The following KCTD8 variants were observed in gnomAD, a reference collection of about 807,000 sequenced individuals.
KCTD8 encodes the protein potassium channel tetramerization domain containing 8.
Under a neutral mutation model 31.5 loss-of-function variants are expected in KCTD8, and 27 were observed. The ratio of observed to expected loss-of-function variants is 0.86; its 90% CI spans 0.63 to 1.18. The LOEUF (loss-of-function observed/expected upper bound fraction) is 1.18. Ranked by LOEUF, KCTD8 falls within the 50% of genes most tolerant of loss-of-function variation. The pLI, the probability that KCTD8 is intolerant of heterozygous loss-of-function variation, is 0.00. For missense variants in KCTD8, 658 were observed against 647.7 expected (o/e 1.02, Z -0.17); for synonymous variants, 290 against 280.0 (o/e 1.04, Z -0.36).
chr4:44,262,071 G>C (rs568059941), intron 1 of KCTD8, among the ~76,000 whole-genome samples: 4 of 152,156 alleles, frequency 2.6e-5, no homozygotes, highest in African/African-American at 9.6e-5. Flanking sequence ...AAGAGACCTA[G>C]AGACCAAGGG....
intron 1 of KCTD8, among the ~76,000 whole-genome samples, chr4:44,300,186 T>A (rs1006972198): frequency 6.6e-6 from 1 of 152,336 alleles, no homozygotes; most frequent in East Asian, 1.9e-4. Context: ...TACACACTTA[T>A]GAGTAAATTA....
At chr4:44,252,867 CCTTA>C (rs1001476550) in intron 1 of KCTD8, among the ~76,000 whole-genome samples, 13 of 151,678 alleles carry the variant, frequency 8.6e-5, no homozygotes, top group African/African-American at 2.7e-4. Context: ...AGAGGCACTT[CCTTA>C]CTTTTTGCAA....
intron 1 of KCTD8, among the ~76,000 whole-genome samples, chr4:44,438,061 T>C (rs1269147823): frequency 6.6e-6 from 1 of 152,082 alleles, no homozygotes; most frequent in Non-Finnish European, 1.5e-5. Flanking sequence ...TATGAATCCT[T>C]ACAAGGAGAC....
chr4:44,358,871 G>A (rs1249340520), intron 1 of KCTD8, among the ~76,000 whole-genome samples: 1 of 152,150 alleles, frequency 6.6e-6, no homozygotes, highest in African/African-American at 2.4e-5. Flanking sequence ...ATTCTAACTG[G>A]CATGAGATGG....
chr4:44,290,311 TA>T (rs1438074008), intron 1 of KCTD8, among the ~76,000 whole-genome samples: 2 of 152,264 alleles, frequency 1.3e-5, no homozygotes, highest in African/African-American at 4.8e-5. Context: ...CCCAGATTCA[TA>T]AAACAAGTTC....
At chr4:44,383,148 C>G (rs551763329) in intron 1 of KCTD8, among the ~76,000 whole-genome samples, 1 of 151,338 alleles carries the variant, frequency 6.6e-6, no homozygotes, top group East Asian at 2.0e-4. Flanking sequence ...ACCTATAAAA[C>G]GCTGATAAAA....
chr4:44,207,120 T>C (rs1322599813), intron 1 of KCTD8, among the ~76,000 whole-genome samples: 1 of 152,188 alleles, frequency 6.6e-6, no homozygotes, highest in African/African-American at 2.4e-5. Context: ...AACAAGTTAC[T>C]TGAACTCTCC....
intron 1 of KCTD8, among the ~76,000 whole-genome samples, chr4:44,316,602 T>C (rs1718114945): frequency 6.6e-6 from 1 of 151,812 alleles, no homozygotes; most frequent in Non-Finnish European, 1.5e-5. Context: ...GCAATTTCTA[T>C]AGAAATATTG....
At chr4:44,349,200 G>C (rs1423780092) in intron 1 of KCTD8, among the ~76,000 whole-genome samples, 1 of 151,970 alleles carries the variant, frequency 6.6e-6, no homozygotes, top group African/African-American at 2.4e-5. Flanking sequence ...TTGAGATGAA[G>C]TTAGGAGTGC....
At chr4:44,395,719 A>T (rs1486243186) in intron 1 of KCTD8, among the ~76,000 whole-genome samples, 1 of 151,850 alleles carries the variant, frequency 6.6e-6, no homozygotes, top group Non-Finnish European at 1.5e-5. Flanking sequence ...TACTTTTACT[A>T]TTTTCTGACT....
At chr4:44,223,008 A>G (rs6813427) in intron 1 of KCTD8, among the ~76,000 whole-genome samples, 3,350 of 152,266 alleles carry the variant, frequency 0.022, 130 homozygotes, top group African/African-American at 0.077. Flanking sequence ...AATAGTGCTA[A>G]CCAAAAAAGT....
rs371315419 is a variant in KCTD8 at position 44,288,069 on chromosome 4, T to A, written c.962-112819A>T. On this transcript the variant is annotated intron_variant, in intron 1 of 1. Transcript: ENST00000360029. ...GAACAGACATTAAATATATGTCAAA[T>A]TTTCTTTTCTCCATTCTTAGTGCCC... Among the ~76,000 whole-genome samples the A allele has an allele frequency of 3.3e-5, 5 of 152,156 alleles. No homozygotes were observed. The East Asian group carries it at 7.7e-4, about 23-fold the overall frequency.
chr4:44,359,678 T>C lies in KCTD8; in HGVS notation c.961+87885A>G, dbSNP rs945352574. On this transcript the variant is annotated intron_variant, in intron 1 of 1. Transcript: ENST00000360029. Reference sequence around the variant, plus strand: ...CTTGCTGCTTGTGAGACCTAACTTATGCAGAGCATGAATTAAATCCATGTA... The same window carrying C: ...CTTGCTGCTTGTGAGACCTAACTTACGCAGAGCATGAATTAAATCCATGTA... Among the ~76,000 whole-genome samples, 5 of 152,132 alleles carry C rather than the reference T, an allele frequency of 3.3e-5. No homozygotes were observed. The East Asian group carries it at 5.8e-4, about 18-fold the overall frequency.
chr4:44,408,822 T>C (rs921990021), intron 1 of KCTD8, among the ~76,000 whole-genome samples: 2 of 152,052 alleles, frequency 1.3e-5, no homozygotes, highest in Non-Finnish European at 2.9e-5. Flanking sequence ...TTTCACCATG[T>C]TGGCCAAGAT....
At chr4:44,438,218 A>G (rs1448285190) in intron 1 of KCTD8, among the ~76,000 whole-genome samples, 2 of 152,218 alleles carry the variant, frequency 1.3e-5, no homozygotes, top group Non-Finnish European at 2.9e-5. Context: ...TATTGAAGAT[A>G]TGTCAGAGTG....
chr4:44,203,443 T>C (rs1577828562), intron 1 of KCTD8, among the ~76,000 whole-genome samples: 1 of 144,326 alleles, frequency 6.9e-6, no homozygotes, highest in East Asian at 2.0e-4. Flanking sequence ...TAAGCCAAGA[T>C]CGTGCCATTG....
intron 1 of KCTD8, among the ~76,000 whole-genome samples, chr4:44,373,605 C>CAAGG (rs1337886657): frequency 1.3e-5 from 2 of 152,050 alleles, no homozygotes; most frequent in African/African-American, 4.8e-5. Flanking sequence ...AAGTATTATA[C>CAAGG]AAGTTTAGTT....
chr4:44,293,362 A>G (rs1431660183), intron 1 of KCTD8: 1 of 419,178 alleles, frequency 2.4e-6, no homozygotes, highest in African/African-American at 2.1e-5. Context: ...TTAAAACCAG[A>G]TTAATTTATC....
At chr4:44,263,652 A>G (rs1159054950) in intron 1 of KCTD8, among the ~76,000 whole-genome samples, 1 of 152,184 alleles carries the variant, frequency 6.6e-6, no homozygotes, top group African/African-American at 2.4e-5. Context: ...AATTTTGGAA[A>G]AAAATGGTTT....
Sources: allele counts gnomAD v4.1 joint callset (sites outside exome capture counted in the v4.1 genomes callset), GRCh38; gene constraint gnomAD v4.1.1; transcripts MANE v1.5; gene names NCBI Gene and HGNC (gene_info 2026-07-23, HGNC 2026-07-21).